The following PPP1R3A variants were observed in gnomAD, a reference collection of about 807,000 sequenced individuals.
PPP1R3A encodes RG1.
Under a neutral mutation model 41.7 loss-of-function variants are expected in PPP1R3A, and 29 were observed. That is an observed-to-expected ratio of 0.70 (90% CI 0.52 to 0.95). The LOEUF (loss-of-function observed/expected upper bound fraction) is 0.95. Ranked by LOEUF, PPP1R3A falls within the 40% of genes least tolerant of loss-of-function variation. PPP1R3A has a pLI of 0.00. For missense variants in PPP1R3A, 1,352 were observed against 1,292.4 expected, an observed-to-expected ratio of 1.05 and a Z score of -0.71; for synonymous variants, 485 against 453.4, an observed-to-expected ratio of 1.07 and a Z score of -0.89.
At chr7:113,903,238 A>G (rs139892949) in intron 1 of PPP1R3A, among the ~76,000 whole-genome samples, 2,178 of 151,904 alleles carry the variant, frequency 0.014, 18 homozygotes, top group Non-Finnish European at 0.022. Flanking sequence ...ACTAATTACA[A>G]TAAGAAAGTT....
Position 113,881,945 on chromosome 7 carries a change from T to C in PPP1R3A, c.966+94A>G, listed in dbSNP as rs1360772503. The C allele has an allele frequency of 2.8e-6, 4 of 1,454,182 alleles. No individual in the cohort carries two copies. In the East Asian group the frequency reaches 9.1e-5, roughly 33 times the overall value. 90.1% of individuals were successfully genotyped at this position (1,454,182 alleles called of 1,614,324 possible). A position where few individuals can be genotyped will look rare whatever the true frequency, so the allele number is the denominator to read the frequency against. On this transcript the variant is annotated intron_variant, in intron 3 of 3. Coordinates refer to ENST00000284601, the MANE Select transcript of PPP1R3A (RefSeq NM_002711.4). ...GCTGTGCTTTCACATTTGCAAATTA[T>C]ATTAGTTGAAGCTATTGAAAGGCAG...
At chr7:113,906,833 A>C (rs932759223) in intron 1 of PPP1R3A, among the ~76,000 whole-genome samples, 5 of 151,762 alleles carry the variant, frequency 3.3e-5, no homozygotes, top group African/African-American at 1.2e-4. Context: ...GGTCACACGT[A>C]CAAGTTCTTA....
chr7:113,883,502 A>G (rs985364743), intron 1 of PPP1R3A, among the ~76,000 whole-genome samples: 2 of 151,960 alleles, frequency 1.3e-5, no homozygotes, highest in African/African-American at 2.4e-5. Flanking sequence ...AACATTTGGT[A>G]TTTTTAGTGG....
intron 1 of PPP1R3A, among the ~76,000 whole-genome samples, chr7:113,910,941 A>G (rs1490094602): frequency 6.6e-6 from 1 of 152,094 alleles, no homozygotes; most frequent in African/African-American, 2.4e-5. Flanking sequence ...TACTACTGCA[A>G]ATTTCAAAAG....
intron 1 of PPP1R3A, among the ~76,000 whole-genome samples, chr7:113,885,172 G>A (rs1260949710): frequency 3.3e-5 from 5 of 152,070 alleles, no homozygotes; most frequent in African/African-American, 9.7e-5. Context: ...AGCCTCTCAA[G>A]TAGCTGAGAT....
chr7:113,901,638 G>A (rs932491693), intron 1 of PPP1R3A, among the ~76,000 whole-genome samples: 6 of 151,768 alleles, frequency 4.0e-5, no homozygotes, highest in South Asian at 2.1e-4. Flanking sequence ...CCTTGCCAAC[G>A]ATCTTCATGA....
chr7:113,882,410 G>A (rs1796709882), intron 1 of PPP1R3A, 90 bp from the exon 2 acceptor site: 2 of 773,770 alleles, frequency 2.6e-6, no homozygotes, highest in Admixed American at 4.3e-5. Flanking sequence ...TCAGTAACAA[G>A]CCAAATAAAC....
intron 1 of PPP1R3A, among the ~76,000 whole-genome samples, chr7:113,900,685 T>C (rs1480913135): frequency 6.7e-6 from 1 of 148,562 alleles, no homozygotes; most frequent in Non-Finnish European, 1.5e-5. Flanking sequence ...TTTATATGTG[T>C]ATATATAGTG....
At chr7:113,884,057 T>C (rs559279191) in intron 1 of PPP1R3A, among the ~76,000 whole-genome samples, 4 of 151,934 alleles carry the variant, frequency 2.6e-5, no homozygotes, top group East Asian at 3.9e-4. Context: ...TTTAAATATA[T>C]GAAATATCTA....
intron 1 of PPP1R3A, among the ~76,000 whole-genome samples, chr7:113,885,725 G>A (rs147162284): frequency 1.5e-3 from 229 of 150,896 alleles, no homozygotes; most frequent in African/African-American, 5.3e-3. Flanking sequence ...TAAATGAACC[G>A]TTCCAAAGTA....
chr7:113,899,780 C>T (rs1338708609), intron 1 of PPP1R3A, among the ~76,000 whole-genome samples: 8 of 151,666 alleles, frequency 5.3e-5, no homozygotes, highest in Admixed American at 4.6e-4. Context: ...CTTATTTTTC[C>T]GTTTGCTATG....
chr7:113,897,471 A>G (rs1185975898), intron 1 of PPP1R3A, among the ~76,000 whole-genome samples: 1 of 151,750 alleles, frequency 6.6e-6, no homozygotes, highest in East Asian at 1.9e-4. Context: ...GCCAGAAAAC[A>G]TCAAATAGTT....
chr7:113,905,145 G>A (rs942377820), intron 1 of PPP1R3A, among the ~76,000 whole-genome samples: 1 of 151,472 alleles, frequency 6.6e-6, no homozygotes, highest in African/African-American at 2.4e-5. Context: ...AGTAATGTAA[G>A]AATTAATTGA....
chr7:113,903,042 T>C (rs1205009887), intron 1 of PPP1R3A, among the ~76,000 whole-genome samples: 1 of 151,788 alleles, frequency 6.6e-6, no homozygotes. Context: ...TATATTTTTT[T>C]CTTTAATGTT....
At chr7:113,900,999 A>G (rs949663756) in intron 1 of PPP1R3A, among the ~76,000 whole-genome samples, 1 of 151,582 alleles carries the variant, frequency 6.6e-6, no homozygotes, top group African/African-American at 2.4e-5. Context: ...CTGTAACACA[A>G]TTCTACTTTC....
chr7:113,896,534 G>A (rs1405821621), intron 1 of PPP1R3A, among the ~76,000 whole-genome samples: 1 of 151,748 alleles, frequency 6.6e-6, no homozygotes, highest in East Asian at 1.9e-4. Flanking sequence ...GACATATAAA[G>A]TGAAGAAAGC....
intron 1 of PPP1R3A, among the ~76,000 whole-genome samples, chr7:113,894,625 GTT>G (rs552969983): frequency 6.6e-6 from 1 of 151,340 alleles, no homozygotes. Flanking sequence ...TGTCATGTGT[GTT>G]TTTTTTCCTA....
intron 1 of PPP1R3A, among the ~76,000 whole-genome samples, chr7:113,906,632 A>G (rs1797151264): frequency 6.6e-6 from 1 of 151,870 alleles, no homozygotes; most frequent in African/African-American, 2.4e-5. Context: ...AAATGCATTC[A>G]TCATTTGAAC....
chr7:113,907,945 CA>C, intron 1 of PPP1R3A, among the ~76,000 whole-genome samples: 1 of 151,898 alleles, frequency 6.6e-6, no homozygotes, highest in East Asian at 1.9e-4. Context: ...TAGTGACAAA[CA>C]GCAACTTTTT....
Sources: gnomAD v4.1 joint callset for allele counts (sites outside exome capture counted in the v4.1 genomes callset) on GRCh38, gnomAD v4.1.1 for gene constraint, MANE v1.5 for transcripts, NCBI Gene and HGNC (gene_info 2026-07-23, HGNC 2026-07-21) for gene names.